Variants in OTUD6A observed in about 807,000 individuals in gnomAD.
The protein encoded by OTUD6A is OTU deubiquitinase 6A.
For synonymous variants in OTUD6A, 138 were observed against 120.2 expected (o/e 1.15, Z -0.97); for missense variants, 209 against 268.2 (o/e 0.78, Z 1.54).
rs764956984 is a variant in OTUD6A at position 70,062,996 on chromosome X, C to G, written c.472C>G (p.Gln158Glu). The G allele has an allele frequency of 8.3e-7, 1 of 1,211,069 alleles. No individual in the cohort carries two copies. Among genetic ancestry groups the G allele is most frequent in the Non-Finnish European group, 1.1e-6 (1 of 895,162 alleles). The change falls in exon 1 of 1, where the codon CAA becomes GAA. Residue 158 changes from glutamine to glutamate, a missense_variant. Coordinates refer to ENST00000338352, the MANE Select transcript of OTUD6A (RefSeq NM_207320.3). ...CGGCCACTGCATGTACCGCGCCATC[C>G]AAGACCAGCTGGTGTTCAGCGTGTC... Reference protein sequence around the residue: ...ADGHCMYRAIQDQLVFSVSVE... With the variant: ...ADGHCMYRAIEDQLVFSVSVE...
chrX:70,063,580 G>T lies in OTUD6A; in HGVS notation c.*189G>T, dbSNP rs2020462403. ...TCACAGGGTGGGAAACGAAATTCGA[G>T]GGAAATTCCCCGGAAATATGAGGGA... On this transcript the variant is annotated 3_prime_UTR_variant, in exon 1 of 1. Transcript: ENST00000338352. 20 of 519,467 alleles carry T rather than the reference G, an allele frequency of 3.9e-5. No individual in the cohort carries two copies. The highest frequency in any genetic ancestry group is 1.2e-5 in the Non-Finnish European group (4 of 328,281). 42.8% of individuals were successfully genotyped at this position (519,467 alleles called of 1,213,427 possible).
chrX:70,062,665 C>A lies in OTUD6A; in HGVS notation c.141C>A (p.Asp47Glu). The A allele has an allele frequency of 8.3e-7, 1 of 1,211,466 alleles. No individual in the cohort carries two copies. The highest frequency in any genetic ancestry group is 1.1e-6 in the Non-Finnish European group (1 of 895,337). The stretch of plus-strand genomic sequence containing the variant: ...CGAAAAGAAAGCAGTTGCTCCAAGA[C>A]GTGGCCCGCATGGAGGCCGAGATGG... Reference protein sequence around the residue: ...DKTKRKQLLQDVARMEAEMAQ... With the variant: ...DKTKRKQLLQEVARMEAEMAQ... Residue 47 changes from aspartate to glutamate, a missense_variant, in exon 1 of 1, where the codon GAC becomes GAA. Coordinates refer to ENST00000338352, the MANE Select transcript of OTUD6A (RefSeq NM_207320.3).
rs753317883 is a variant in OTUD6A, at chrX:70,063,716, T to A, written c.*325T>A. ...AACTAAGATTTGGTCATGTTGCGTATAACTTCACCACAAAAATGGAAATAT... is the reference window on the plus strand; with the variant it reads ...AACTAAGATTTGGTCATGTTGCGTAAAACTTCACCACAAAAATGGAAATAT... On this transcript the variant is annotated 3_prime_UTR_variant, in exon 1 of 1. Coordinates refer to ENST00000338352, the MANE Select transcript of OTUD6A (RefSeq NM_207320.3). The A allele has an allele frequency of 1.4e-5, 3 of 218,188 alleles. No homozygotes were observed. The highest frequency in any genetic ancestry group is 2.6e-5 in the Non-Finnish European group (3 of 114,413). 18.0% of individuals were successfully genotyped at this position (218,188 alleles called of 1,213,427 possible).
At position 70,062,843 on chromosome X, in the gene OTUD6A, G is replaced by C. The variant is rs753609385; in HGVS notation, c.319G>C (p.Glu107Gln). ...KRERMESEER[E>Q]RQESIFQAEM... is the part of the protein sequence containing the mutation. Reference sequence around the variant, plus strand: ...AGAAAGAATGGAGTCCGAGGAGAGGGAGCGCCAGGAGAGCATCTTCCAGGC... The same window carrying C: ...AGAAAGAATGGAGTCCGAGGAGAGGCAGCGCCAGGAGAGCATCTTCCAGGC... The change falls in exon 1 of 1, where the codon GAG becomes CAG. Residue 107 changes from glutamate to glutamine, a missense_variant. By Grantham distance (29) the Glu-to-Gln change is conservative. Coordinates refer to ENST00000338352, the MANE Select transcript of OTUD6A (RefSeq NM_207320.3). 6 of 1,195,421 alleles carry C rather than the reference G, an allele frequency of 5.0e-6. No individual in the cohort carries two copies. The highest frequency in any genetic ancestry group is 6.8e-6 in the Non-Finnish European group (6 of 887,363).
Position 70,063,641 on chromosome X carries a change from T to A in OTUD6A, c.*250T>A. ...TTGCACCACCAGAGGGGCATAAATTTGAAAGTTCTAACCTCTTCTTGCCCT... is the reference window on the plus strand; with the variant it reads ...TTGCACCACCAGAGGGGCATAAATTAGAAAGTTCTAACCTCTTCTTGCCCT... On this transcript the variant is annotated 3_prime_UTR_variant, in exon 1 of 1. Transcript: ENST00000338352. The A allele has an allele frequency of 2.5e-6, 1 of 392,359 alleles. No individual in the cohort carries two copies. The allele number at this position is 392,359 out of a possible 1,213,427, so 32.3% of individuals were successfully genotyped here.
rs1056968618 is a variant in OTUD6A, at chrX:70,064,005, G to A, written c.*614G>A. On this transcript the variant is annotated 3_prime_UTR_variant, in exon 1 of 1. Coordinates refer to ENST00000338352, the MANE Select transcript of OTUD6A (RefSeq NM_207320.3). The stretch of plus-strand genomic sequence containing the variant: ...TTTGCACTCCAGCGTGGAAGACAGT[G>A]AGACTCCGTCTCAAAAAAATGAAAA... 2 of 112,238 alleles carry A rather than the reference G, an allele frequency of 1.8e-5. No individual in the cohort carries two copies. The highest frequency in any genetic ancestry group is 6.5e-5 in the African/African-American group (2 of 30,830). The allele number at this position is 112,238 out of a possible 1,213,427, so 9.2% of individuals were successfully genotyped here.
At position 70,062,515 on chromosome X, in the gene OTUD6A, A is replaced by C. The variant is rs751121663; in HGVS notation, c.-10A>C. 8.4e-7 allele frequency: 1 copy of C among 1,197,556 alleles called. No individual in the cohort carries two copies. Among genetic ancestry groups the C allele is most frequent in the Non-Finnish European group, 1.1e-6 (1 of 888,953 alleles). ...CAGCAAATTTCAACTCCCGCTTGCC[A>C]TTCAACATCATGGATGATCCGAAGA... On this transcript the variant is annotated 5_prime_UTR_variant, in exon 1 of 1. Transcript: ENST00000338352.
rs764890227 is a variant in OTUD6A, at chrX:70,063,526, C to T, written c.*135C>T. Reference sequence around the variant, plus strand: ...TTAATCAAAACTACCCGCCCCCGCCCCGCCCCCGCTTTCCTAACCTTGCTG... The same window carrying T: ...TTAATCAAAACTACCCGCCCCCGCCTCGCCCCCGCTTTCCTAACCTTGCTG... On this transcript the variant is annotated 3_prime_UTR_variant, in exon 1 of 1. Transcript: ENST00000338352. 1.1e-5 allele frequency: 9 copies of T among 832,445 alleles called. No individual in the cohort carries two copies. The Admixed American group carries it at 3.7e-4, about 34-fold the overall frequency. The allele number at this position is 832,445 out of a possible 1,213,427, so 68.6% of individuals were successfully genotyped here. A position where few individuals can be genotyped will look rare whatever the true frequency, so the allele number is the denominator to read the frequency against.
At position 70,063,202 on chromosome X, in the gene OTUD6A, G is replaced by A; in HGVS notation, c.678G>A (p.Ser226=). ...GCCAGCTGGAGCTGAGGGCCCTGTC[G>A]CACGTCCTGAAGACCCCCATCGAGG... ...WGGQLELRAL[S]HVLKTPIEVI... Residue 226 remains serine, a synonymous_variant, in exon 1 of 1, where the codon TCG becomes TCA. Transcript: ENST00000338352. The A allele has an allele frequency of 1.7e-6, 2 of 1,211,360 alleles. No homozygotes were observed. Among genetic ancestry groups the A allele is most frequent in the Non-Finnish European group, 2.2e-6 (2 of 895,504 alleles).
chrX:70,064,149 C>T lies in OTUD6A; in HGVS notation c.*758C>T, dbSNP rs975150005. On this transcript the variant is annotated 3_prime_UTR_variant, in exon 1 of 1. Transcript: ENST00000338352. ...TGGGCCGGGATCGTACTACTGCACT[C>T]CAGCATGGAAGACAGCGAGACTCCG... 9.2e-6 allele frequency: 1 copy of T among 108,411 alleles called. No homozygotes were observed. 8.9% of individuals were successfully genotyped at this position (108,411 alleles called of 1,213,427 possible).
Position 70,063,271 on chromosome X carries a change from C to T in OTUD6A, c.747C>T (p.Tyr249=), listed in dbSNP as rs2020459377. ...CCACCTTGATCATCGGGGAGGAGTA[C>T]GTCAAGAAGCCGATCATCCTGGTCT... ...DSPTLIIGEE[Y]VKKPIILVYL... The change falls in exon 1 of 1, where the codon TAC becomes TAT. Residue 249 remains tyrosine, a synonymous_variant. Transcript: ENST00000338352. 8.3e-7 allele frequency: 1 copy of T among 1,211,073 alleles called. No individual in the cohort carries two copies. Among genetic ancestry groups the T allele is most frequent in the Non-Finnish European group, 1.1e-6 (1 of 895,455 alleles).
Position 70,063,543 on chromosome X carries a change from A to T in OTUD6A, c.*152A>T. On this transcript the variant is annotated 3_prime_UTR_variant, in exon 1 of 1. Transcript: ENST00000338352. ...CCCCCGCCCCGCCCCCGCTTTCCTA[A>T]CCTTGCTGCTTTCACAGGGTGGGAA... 1 of 729,299 alleles carries T rather than the reference A, an allele frequency of 1.4e-6. No individual in the cohort carries two copies. 60.1% of individuals were successfully genotyped at this position (729,299 alleles called of 1,213,427 possible).
Position 70,062,607 on chromosome X carries a change from G to T in OTUD6A, c.83G>T (p.Ser28Ile). Residue 28 changes from serine to isoleucine, a missense_variant, in exon 1 of 1, where the codon AGC (serine) becomes ATC (isoleucine). Coordinates refer to ENST00000338352, the MANE Select transcript of OTUD6A (RefSeq NM_207320.3). ...ERQELQAQIR[S>I]LKNSVPKTDK... ...CAGGAGCTGCAGGCCCAGATCCGGA[G>T]CTTAAAAAACTCGGTCCCCAAGACC... 1 of 1,209,762 alleles carries T rather than the reference G, an allele frequency of 8.3e-7. No homozygotes were observed. Among genetic ancestry groups the T allele is most frequent in the East Asian group, 3.0e-5 (1 of 33,790 alleles).
Position 70,063,337 on chromosome X carries a change from C to G in OTUD6A, c.813C>G (p.Ser271=). ...ACAGCCTCGGCGAGCACTACAACTCCGTGACACCGCTCGAGGCCGGCGCCG... is the reference window on the plus strand; with the variant it reads ...ACAGCCTCGGCGAGCACTACAACTCGGTGACACCGCTCGAGGCCGGCGCCG... The part of the protein sequence containing the change: ...YAYSLGEHYN[S]VTPLEAGAAG... Residue 271 remains serine (S), a synonymous_variant, in exon 1 of 1, where the codon TCC becomes TCG. Coordinates refer to ENST00000338352, the MANE Select transcript of OTUD6A (RefSeq NM_207320.3). The G allele has an allele frequency of 8.3e-7, 1 of 1,207,006 alleles. No individual in the cohort carries two copies.
Position 70,063,679 on chromosome X carries a change from A to C in OTUD6A, c.*288A>C. ...CTCTTCTTGCCCTTAAGGGTCTTTT[A>C]CCTCCCTCACCAACTAAGATTTGGT... is the stretch of plus-strand genomic sequence containing the variant. On this transcript the variant is annotated 3_prime_UTR_variant, in exon 1 of 1. Coordinates refer to ENST00000338352, the MANE Select transcript of OTUD6A (RefSeq NM_207320.3). The C allele has an allele frequency of 3.5e-6, 1 of 285,839 alleles. No individual in the cohort carries two copies. The highest frequency in any genetic ancestry group is 1.4e-4 in the South Asian group (1 of 7,099). 23.6% of individuals were successfully genotyped at this position (285,839 alleles called of 1,213,427 possible). A position where few individuals can be genotyped will look rare whatever the true frequency, so the allele number is the denominator to read the frequency against.
rs1341015160 is a variant in OTUD6A, at chrX:70,062,752, C to T, written c.228C>T (p.Val76=). ...FQDDSSIESV[V]EDLAKMNLEN... Reference sequence around the variant, plus strand: ...ACGACAGTAGCATTGAATCTGTCGTCGAAGACCTGGCCAAGATGAATCTGG... The same window carrying T: ...ACGACAGTAGCATTGAATCTGTCGTTGAAGACCTGGCCAAGATGAATCTGG... The change falls in exon 1 of 1, where the codon GTC becomes GTT. Residue 76 remains valine (V), a synonymous_variant. Coordinates refer to ENST00000338352, the MANE Select transcript of OTUD6A (RefSeq NM_207320.3). The T allele has an allele frequency of 5.8e-6, 7 of 1,207,702 alleles. No individual in the cohort carries two copies. The highest frequency in any genetic ancestry group is 1.8e-5 in the African/African-American group (1 of 57,107).
Position 70,063,442 on chromosome X carries a change from C to G in OTUD6A, c.*51C>G. ...GAAACTGTCGCCGTCGCCGCATCTC[C>G]TCAGTAGGCTCAGTTTATTTTCCCC... On this transcript the variant is annotated 3_prime_UTR_variant, in exon 1 of 1. Transcript: ENST00000338352. 9.2e-7 allele frequency: 1 copy of G among 1,082,986 alleles called. No individual in the cohort carries two copies. The highest frequency in any genetic ancestry group is 1.2e-6 in the Non-Finnish European group (1 of 823,207). 89.3% of individuals were successfully genotyped at this position (1,082,986 alleles called of 1,213,427 possible).
rs2020463365 is a variant in OTUD6A at position 70,063,746 on chromosome X, C to T, written c.*355C>T. 6.1e-6 allele frequency: 1 copy of T among 164,865 alleles called. No individual in the cohort carries two copies. Among genetic ancestry groups the T allele is most frequent in the East Asian group, 1.4e-4 (1 of 6,931 alleles). 13.6% of individuals were successfully genotyped at this position (164,865 alleles called of 1,213,427 possible). A position where few individuals can be genotyped will look rare whatever the true frequency, so the allele number is the denominator to read the frequency against. On this transcript the variant is annotated 3_prime_UTR_variant, in exon 1 of 1. Transcript: ENST00000338352. ...TCACCACAAAAATGGAAATATTGGC[C>T]GGGCGCGGTGGCTCACGCCTGTAAT...
chrX:70,063,722 C>A lies in OTUD6A; in HGVS notation c.*331C>A. Reference sequence around the variant, plus strand: ...GATTTGGTCATGTTGCGTATAACTTCACCACAAAAATGGAAATATTGGCCG... The same window carrying A: ...GATTTGGTCATGTTGCGTATAACTTAACCACAAAAATGGAAATATTGGCCG... On this transcript the variant is annotated 3_prime_UTR_variant, in exon 1 of 1. Coordinates refer to ENST00000338352, the MANE Select transcript of OTUD6A (RefSeq NM_207320.3). The A allele has an allele frequency of 4.8e-6, 1 of 208,971 alleles. No homozygotes were observed. Among genetic ancestry groups the A allele is most frequent in the Admixed American group, 6.7e-5 (1 of 14,900 alleles). The allele number at this position is 208,971 out of a possible 1,213,427, so 17.2% of individuals were successfully genotyped here.
Sources: gnomAD v4.1 joint callset for allele counts on GRCh38, gnomAD v4.1.1 for gene constraint, MANE v1.5 for transcripts, NCBI Gene and HGNC (gene_info 2026-07-23, HGNC 2026-07-21) for gene names.